The following KTN1 variants were observed in gnomAD, a reference collection of about 807,000 sequenced individuals.
KTN1 encodes kinectin.
A neutral mutation model predicts 222.5 loss-of-function variants in KTN1; 130 were observed. The observed-to-expected ratio is 0.58, with a 90% confidence interval of 0.51 to 0.68. The LOEUF (loss-of-function observed/expected upper bound fraction) is 0.68. Among genes scored for constraint, KTN1 ranks in the 30% least tolerant of loss-of-function variants. The probability of loss-of-function intolerance (pLI) is 0.00; values close to 1 mark genes in which losing one functional copy is unlikely to be tolerated. For missense variants in KTN1, 1,508 were observed against 1,500.4 expected (o/e 1.01, Z -0.08); for synonymous variants, 512 against 496.3 (o/e 1.03, Z -0.42).
In KTN1 at chr14:55,634,218, C is replaced by T. The variant is rs543650343; in HGVS notation, c.1329-308C>T. 1.3e-4 allele frequency among the ~76,000 whole-genome samples: 20 copies of T among 152,222 alleles called. No homozygotes were observed. In the South Asian group the frequency reaches 3.9e-3, roughly 30 times the overall value. On this transcript the variant is annotated intron_variant, in intron 8 of 43. Transcript: ENST00000395314. ...TAGTACCTTAGAGAGACTAGTAATA[C>T]CGGTACACAGTACCCTGACTGGCTG... is the stretch of plus-strand genomic sequence containing the variant.
intron 31 of KTN1, chr14:55,661,255 C>G (rs1386767081): frequency 3.7e-6 from 1 of 270,674 alleles, no homozygotes; most frequent in East Asian, 7.0e-5. Context: ...TTCATATCTT[C>G]ATAATATGTT....
intron 34 of KTN1, chr14:55,668,370 A>G (rs1485182283): frequency 1.3e-5 from 2 of 152,088 alleles, no homozygotes; most frequent in Admixed American, 6.6e-5. Context: ...TTTAAAAAAA[A>G]AACAAAAACA....
At chr14:55,591,799 C>T (rs1345352329) in intron 1 of KTN1, among the ~76,000 whole-genome samples, 2 of 152,020 alleles carry the variant, frequency 1.3e-5, no homozygotes, top group African/African-American at 4.8e-5. Context: ...TGGTCTCGGA[C>T]TCCCGACCTC....
chr14:55,654,652 T>G (rs1174152191), intron 28 of KTN1, among the ~76,000 whole-genome samples: 1 of 152,144 alleles, frequency 6.6e-6, no homozygotes, highest in Non-Finnish European at 1.5e-5. Context: ...TATTAACATC[T>G]TGCATTAGCA....
intron 33 of KTN1, among the ~76,000 whole-genome samples, chr14:55,664,575 A>G (rs1027917523): frequency 6.6e-6 from 1 of 152,110 alleles, no homozygotes; most frequent in Non-Finnish European, 1.5e-5. Flanking sequence ...CTGGCTAGCA[A>G]TGACACATGG....
At chr14:55,618,474 T>C (rs374170812) in intron 4 of KTN1, among the ~76,000 whole-genome samples, 18 of 152,080 alleles carry the variant, frequency 1.2e-4, no homozygotes, top group African/African-American at 4.3e-4. Flanking sequence ...GCAAAATTCA[T>C]TGGAAAGTTC....
chr14:55,683,434 C>G (rs1329313519), intron 43 of KTN1: 1 of 152,120 alleles, frequency 6.6e-6, no homozygotes, highest in Non-Finnish European at 1.5e-5. Flanking sequence ...CTTTAGCACA[C>G]ATCTCCGAAA....
intron 7 of KTN1, among the ~76,000 whole-genome samples, chr14:55,630,492 C>G (rs1008580760): frequency 1.3e-5 from 2 of 152,196 alleles, no homozygotes; most frequent in Non-Finnish European, 2.9e-5. Flanking sequence ...TAGTCCATCT[C>G]TGGAGGTGAT....
chr14:55,646,384 T>G (rs2042276404), intron 18 of KTN1, among the ~76,000 whole-genome samples: 1 of 151,876 alleles, frequency 6.6e-6, no homozygotes, highest in Admixed American at 6.6e-5. Flanking sequence ...AGAGCCCATG[T>G]TTGTCTGTCT....
chr14:55,604,023 T>G (rs2036371813), intron 1 of KTN1, among the ~76,000 whole-genome samples: 1 of 152,142 alleles, frequency 6.6e-6, no homozygotes, highest in Non-Finnish European at 1.5e-5. Context: ...CTAACAGTTC[T>G]CCCTGATTTC....
chr14:55,592,174 C>T (rs1274344423), intron 1 of KTN1, among the ~76,000 whole-genome samples: 3 of 152,078 alleles, frequency 2.0e-5, no homozygotes, highest in Non-Finnish European at 4.4e-5. Context: ...TTAAGAAATT[C>T]TTCTCTACCT....
intron 33 of KTN1, 108 bp downstream of exon 33, chr14:55,664,149 T>A: frequency 1.5e-6 from 1 of 686,984 alleles, no homozygotes; most frequent in Non-Finnish European, 2.4e-6. Flanking sequence ...ATATAAAATC[T>A]CCTTATCCAT....
chr14:55,630,410 T>A (rs28581272), intron 7 of KTN1, among the ~76,000 whole-genome samples: 49,634 of 152,064 alleles, frequency 0.33, 8,254 homozygotes, highest in South Asian at 0.4. Context: ...ATCTTTTAAA[T>A]CAATTAGGCA....
rs2043098819 is a variant in KTN1 at position 55,653,001 on chromosome 14, AC to A, written c.2695-14del. The A allele has an allele frequency of 6.3e-7, 1 of 1,592,266 alleles. No individual in the cohort carries two copies. Among genetic ancestry groups the A allele is most frequent in the Admixed American group, 1.7e-5 (1 of 59,524 alleles). ...ATACTTGACTATCAATTTAATTTAC[AC>A]CTATTCTTTTTAAGGATCTTCAAGA... On this transcript the variant is annotated splice_polypyrimidine_tract_variant and intron_variant, in intron 26 of 43. Transcript: ENST00000395314.
intron 5 of KTN1, among the ~76,000 whole-genome samples, chr14:55,622,241 C>T (rs1478915526): frequency 6.6e-6 from 1 of 152,128 alleles, no homozygotes; most frequent in African/African-American, 2.4e-5. Context: ...CAGGTGATTT[C>T]TGGATAGCAT....
At chr14:55,679,822 T>A in intron 43 of KTN1, 137 bp downstream of exon 43, 1 of 913,892 alleles carries the variant, frequency 1.1e-6, no homozygotes, top group Non-Finnish European at 1.7e-6. Flanking sequence ...ATGACAGCCT[T>A]AAGCTTTCTT....
In KTN1 at chr14:55,602,062, G is replaced by A. The variant is rs1052031321; in HGVS notation, c.-30-9957G>A. ...TCAAGTGCTTTATATTTTTTCTTAT[G>A]TTTGAAACTTTATTTGGATGTTTTT... On this transcript the variant is annotated intron_variant, in intron 1 of 43. Coordinates refer to ENST00000395314, the MANE Select transcript of KTN1 (RefSeq NM_001079521.2). 5.9e-5 allele frequency among the ~76,000 whole-genome samples: 9 copies of A among 152,192 alleles called. No homozygotes were observed. The East Asian group carries it at 1.7e-3, about 29-fold the overall frequency.
chr14:55,660,586 A>G (rs2141216862), intron 31 of KTN1, among the ~76,000 whole-genome samples: 1 of 151,976 alleles, frequency 6.6e-6, no homozygotes, highest in South Asian at 2.1e-4. Flanking sequence ...TTTTAATCTA[A>G]ATGTTTTTCC....
At chr14:55,617,797 A>G (rs2038597063) in intron 3 of KTN1, among the ~76,000 whole-genome samples, 167 bp from the exon 4 acceptor site, 1 of 152,224 alleles carries the variant, frequency 6.6e-6, no homozygotes, top group Non-Finnish European at 1.5e-5. Context: ...CGGCTTCATT[A>G]GAATGAGTGT....
Sources: allele counts gnomAD v4.1 joint callset (sites outside exome capture counted in the v4.1 genomes callset), GRCh38; gene constraint gnomAD v4.1.1; transcripts MANE v1.5; gene names NCBI Gene and HGNC (gene_info 2026-07-23, HGNC 2026-07-21).